The following C19orf47 variants were observed in gnomAD, a reference collection of about 807,000 sequenced individuals.
C19orf47 encodes chromosome 19 open reading frame 47.
C19orf47 carries 18 observed loss-of-function variants against 32.3 expected under a neutral mutation model. That is an observed-to-expected ratio of 0.56 (90% CI 0.39 to 0.83). The LOEUF (loss-of-function observed/expected upper bound fraction) is 0.83. Ranked by LOEUF, C19orf47 falls within the 40% of genes least tolerant of loss-of-function variation. The probability of loss-of-function intolerance (pLI) is 0.00; values close to 1 mark genes in which losing one functional copy is unlikely to be tolerated. For synonymous variants in C19orf47, 202 were observed against 211.1 expected, an observed-to-expected ratio of 0.96 and a Z score of 0.37; for missense variants, 484 against 531.6, an observed-to-expected ratio of 0.91 and a Z score of 0.88.
At chr19:40,329,818 A>C (rs1411592654) in intron 5 of C19orf47, among the ~76,000 whole-genome samples, 1 of 152,194 alleles carries the variant, frequency 6.6e-6, no homozygotes, top group African/African-American at 2.4e-5. Context: ...GAGAGCCTCC[A>C]TTCACAATAC....
At chr19:40,341,964 T>G (rs2078186703) in intron 1 of C19orf47, 74 bp from the exon 2 acceptor site, 3 of 1,534,724 alleles carry the variant, frequency 2.0e-6, no homozygotes, top group Non-Finnish European at 2.6e-6. Flanking sequence ...TGTGCCTGTC[T>G]GTCTGCATGC....
intron 2 of C19orf47, 27 bp downstream of exon 2, chr19:40,341,812 G>A (rs1382184159): frequency 3.3e-6 from 5 of 1,535,962 alleles, no homozygotes; most frequent in African/African-American, 2.7e-5. Flanking sequence ...GGGAGAGGGG[G>A]CCCTGGAGAG....
At chr19:40,322,646 G>A (rs367659379) in intron 8 of C19orf47, among the ~76,000 whole-genome samples, 2 of 152,242 alleles carry the variant, frequency 1.3e-5, no homozygotes, top group East Asian at 3.8e-4. Flanking sequence ...AGAGGGAAGA[G>A]GACGGGAGTG....
the C19orf47 span, among the ~76,000 whole-genome samples, chr19:40,310,193 G>T: frequency 1.3e-5 from 2 of 151,940 alleles, no homozygotes; most frequent in African/African-American, 4.8e-5. Flanking sequence ...ATAAAGGAAT[G>T]AAACTCTGAT....
At chr19:40,335,150 C>T (rs1642539852) in intron 4 of C19orf47, among the ~76,000 whole-genome samples, 1 of 152,122 alleles carries the variant, frequency 6.6e-6, no homozygotes, top group Non-Finnish European at 1.5e-5. Context: ...GAGTACAGCA[C>T]TCCAGGTCTG....
rs572467559 is a variant in C19orf47, at chr19:40,323,950, C to T, written c.663+56G>A. The stretch of plus-strand genomic sequence containing the variant: ...AGATGTGTTAAAGAGTCAGGAGCAC[C>T]GCTCAGGGAAGACAACAGCTCGCAC... On this transcript the variant is annotated intron_variant, in intron 8 of 8. Transcript: ENST00000683109. 5.0e-6 allele frequency: 8 copies of T among 1,599,616 alleles called. No individual in the cohort carries two copies. In the African/African-American group the frequency reaches 9.4e-5, roughly 19 times the overall value.
In C19orf47 at chr19:40,328,522, C is replaced by T; in HGVS notation, c.330G>A (p.Leu110=). Residue 110 remains leucine (L), a synonymous_variant, in exon 6 of 9, where the codon CTG becomes CTA. Transcript: ENST00000683109. ...SAASRMITNS[L]NHDSPPSTPP... ...GTGTGCTGGGTGGAGAGTCATGGTT[C>T]AGGCTGTTGGTGATCATTCGGGAGG... 2 of 1,609,778 alleles carry T rather than the reference C, an allele frequency of 1.2e-6. No homozygotes were observed. Among genetic ancestry groups the T allele is most frequent in the Non-Finnish European group, 1.7e-6 (2 of 1,178,260 alleles).
the C19orf47 span, among the ~76,000 whole-genome samples, chr19:40,293,523 T>C: frequency 6.6e-6 from 1 of 151,772 alleles, no homozygotes; most frequent in African/African-American, 2.4e-5. Flanking sequence ...TGGAGTGCAA[T>C]GATGCGATCT....
chr19:40,343,995 C>T lies in C19orf47; in HGVS notation c.-33-2105G>A, dbSNP rs548051273. 1.1e-4 allele frequency among the ~76,000 whole-genome samples: 17 copies of T among 151,658 alleles called. No homozygotes were observed. The South Asian group carries it at 3.4e-3, about 30-fold the overall frequency. ...ATTTTTAGTACAGATGGGGTTTCAC[C>T]ATGTTGGCCAGGCTAGTCTCGAACT... On this transcript the variant is annotated intron_variant, in intron 1 of 8. Coordinates refer to ENST00000683109, the MANE Select transcript of C19orf47 (RefSeq NM_001256441.2).
chr19:40,348,317 G>A lies in C19orf47; in HGVS notation c.-34+7C>T, dbSNP rs914217668. 21 of 1,318,088 alleles carry A rather than the reference G, an allele frequency of 1.6e-5. No homozygotes were observed. In the South Asian group the frequency reaches 1.8e-4, roughly 12 times the overall value. The allele number at this position is 1,318,088 out of a possible 1,614,324, so 81.6% of individuals were successfully genotyped here. ...CCCAGTCCCACCACCCCCGGCCCGC[G>A]CCTCACCTGGCCCACCGGGCCCGCG... On this transcript the variant is annotated splice_region_variant and intron_variant, in intron 1 of 8. Transcript: ENST00000683109.
intron 1 of C19orf47, among the ~76,000 whole-genome samples, chr19:40,347,487 G>C (rs2078333846): frequency 1.3e-5 from 2 of 151,658 alleles, no homozygotes; most frequent in African/African-American, 4.8e-5. Context: ...AGACGAAATT[G>C]CACCATTGCA....
intron 5 of C19orf47, among the ~76,000 whole-genome samples, chr19:40,333,094 C>T (rs1339078648): frequency 6.6e-6 from 1 of 151,860 alleles, no homozygotes; most frequent in Admixed American, 6.6e-5. Context: ...CCCGTCTCTA[C>T]TAAAAATACA....
At chr19:40,342,054 G>A in intron 1 of C19orf47, 164 bp from the exon 2 acceptor site, 4 of 985,440 alleles carry the variant, frequency 4.1e-6, no homozygotes, top group Non-Finnish European at 4.8e-6. Flanking sequence ...CTGGGACAGA[G>A]CTGCCACCAC....
At chr19:40,346,806 G>A (rs1377895081) in intron 1 of C19orf47, among the ~76,000 whole-genome samples, 1 of 152,092 alleles carries the variant, frequency 6.6e-6, no homozygotes. Context: ...GATTACAGGC[G>A]TGAGCCACCA....
At chr19:40,346,712 G>A (rs560030374) in intron 1 of C19orf47, among the ~76,000 whole-genome samples, 14 of 151,572 alleles carry the variant, frequency 9.2e-5, no homozygotes, top group Non-Finnish European at 1.8e-4. Context: ...AGTTTTAGTA[G>A]AGACGGGGTT....
At chr19:40,324,139 T>C (rs1053607458) in intron 7 of C19orf47, 63 bp from the exon 8 acceptor site, 4 of 1,536,272 alleles carry the variant, frequency 2.6e-6, no homozygotes, top group Non-Finnish European at 3.6e-6. Context: ...CTGAGCTCTG[T>C]ACAGACACCA....
intron 5 of C19orf47, 100 bp from the exon 6 acceptor site, chr19:40,328,650 T>C: frequency 7.0e-7 from 1 of 1,436,044 alleles, no homozygotes; most frequent in Non-Finnish European, 9.4e-7. Context: ...GGCTTGAGAC[T>C]GAATGAGAAG....
chr19:40,301,786 A>G, the C19orf47 span, among the ~76,000 whole-genome samples: 5 of 151,566 alleles, frequency 3.3e-5, no homozygotes, highest in Admixed American at 2.0e-4. Context: ...TGGAGGTTGC[A>G]GTGAGCCAAG....
At chr19:40,307,089 CTTTTTTTTTTTTT>C in the C19orf47 span, among the ~76,000 whole-genome samples, 4 of 64,844 alleles carry the variant, frequency 6.2e-5, no homozygotes, top group African/African-American at 1.8e-4. Context: ...GCGCCCGGCC[CTTTTTTTTTTTTT>C]TTTTTTTTTT....
Sources: gnomAD v4.1 joint callset for allele counts (sites outside exome capture counted in the v4.1 genomes callset) on GRCh38, gnomAD v4.1.1 for gene constraint, MANE v1.5 for transcripts, NCBI Gene and HGNC (gene_info 2026-07-23, HGNC 2026-07-21) for gene names.